MACROD2: variants seen among roughly 807,000 people sequenced by gnomAD.
The protein encoded by MACROD2 is mono-ADP ribosylhydrolase 2.
In MACROD2, 36 loss-of-function variants were observed where a neutral mutation model predicts 70.4. The observed-to-expected ratio is 0.51, with a 90% confidence interval of 0.39 to 0.68. The LOEUF is 0.68. Ranked by LOEUF, MACROD2 falls within the 30% of genes least tolerant of loss-of-function variation. MACROD2 has a pLI of 0.00. For synonymous variants in MACROD2, 172 were observed against 178.8 expected (o/e 0.96, Z 0.30); for missense variants, 496 against 538.4 (o/e 0.92, Z 0.78).
chr20:14,604,955 T>C (rs1280135717), intron 4 of MACROD2, among the ~76,000 whole-genome samples: 1 of 152,208 alleles, frequency 6.6e-6, no homozygotes, highest in Non-Finnish European at 1.5e-5. Flanking sequence ...GGCATTCTAC[T>C]TAATCTCTTT....
At chr20:14,236,952 G>C (rs893089092) in intron 3 of MACROD2, among the ~76,000 whole-genome samples, 7 of 151,972 alleles carry the variant, frequency 4.6e-5, no homozygotes, top group Non-Finnish European at 7.4e-5. Context: ...TGTTTTTAAT[G>C]AGTGTAACAA....
At chr20:14,510,117 A>G (rs2085012290) in intron 4 of MACROD2, among the ~76,000 whole-genome samples, 1 of 152,052 alleles carries the variant, frequency 6.6e-6, no homozygotes, top group African/African-American at 2.4e-5. Context: ...TCTCTTAGAA[A>G]GTGTTCTGCT....
intron 8 of MACROD2, among the ~76,000 whole-genome samples, chr20:15,518,050 A>C (rs1243165166): frequency 1.3e-5 from 2 of 152,256 alleles, no homozygotes; most frequent in African/African-American, 4.8e-5. Context: ...TCTGCCATAA[A>C]GCTAGACTCC....
intron 3 of MACROD2, among the ~76,000 whole-genome samples, chr20:14,398,406 A>ATTT (rs71190136): frequency 4.9e-5 from 7 of 142,556 alleles, no homozygotes; most frequent in Non-Finnish European, 7.6e-5. Flanking sequence ...CCTTGCCAGC[A>ATTT]TTTTTTTTTT....
chr20:15,730,879 A>T, intron 8 of MACROD2, among the ~76,000 whole-genome samples: 1 of 60,424 alleles, frequency 1.7e-5, no homozygotes, highest in Non-Finnish European at 4.7e-5. Context: ...AGTTTTGTTT[A>T]TTTTTCTTTA....
chr20:15,504,636 G>T (rs1346236493), intron 8 of MACROD2, among the ~76,000 whole-genome samples: 4 of 152,110 alleles, frequency 2.6e-5, no homozygotes, highest in African/African-American at 4.8e-5. Flanking sequence ...GGCAGGCAGG[G>T]TCTGAAGATT....
chr20:14,301,411 A>T (rs2082474320), intron 3 of MACROD2, among the ~76,000 whole-genome samples: 1 of 152,210 alleles, frequency 6.6e-6, no homozygotes, highest in Non-Finnish European at 1.5e-5. Flanking sequence ...GTAGAAAGAC[A>T]TTTATAGTTT....
At chr20:15,919,359 T>C (rs1322006529) in intron 10 of MACROD2, among the ~76,000 whole-genome samples, 1 of 152,218 alleles carries the variant, frequency 6.6e-6, no homozygotes, top group Non-Finnish European at 1.5e-5. Flanking sequence ...GATACTTACA[T>C]TGATTTGTCT....
chr20:15,484,512 T>A (rs1315862138), intron 7 of MACROD2, among the ~76,000 whole-genome samples: 3 of 152,154 alleles, frequency 2.0e-5, no homozygotes, highest in Admixed American at 2.0e-4. Context: ...GGGCTAGAGT[T>A]GAGTATTTCC....
At chr20:14,530,984 A>T (rs779667757) in intron 4 of MACROD2, among the ~76,000 whole-genome samples, 2 of 152,164 alleles carry the variant, frequency 1.3e-5, no homozygotes, top group Non-Finnish European at 2.9e-5. Flanking sequence ...CATTTTCTCC[A>T]CTTATTCTTT....
intron 8 of MACROD2, among the ~76,000 whole-genome samples, chr20:15,824,239 G>GTCTC (rs139724335): frequency 4.7e-5 from 7 of 149,626 alleles, no homozygotes; most frequent in South Asian, 2.1e-4. Flanking sequence ...TATCTTAAGT[G>GTCTC]TCTCTCTCTC....
chr20:15,940,764 G>A (rs974449560), intron 12 of MACROD2, among the ~76,000 whole-genome samples: 5 of 152,128 alleles, frequency 3.3e-5, no homozygotes, highest in African/African-American at 1.2e-4. Flanking sequence ...TACCCACATA[G>A]GCTCTGATAG....
chr20:14,753,105 C>T (rs934512704), intron 5 of MACROD2, among the ~76,000 whole-genome samples: 1 of 152,016 alleles, frequency 6.6e-6, no homozygotes, highest in Admixed American at 6.6e-5. Context: ...CTAGTTAACT[C>T]CTATTTATTT....
chr20:14,185,973 G>T (rs1016815084), intron 3 of MACROD2, among the ~76,000 whole-genome samples: 2 of 152,066 alleles, frequency 1.3e-5, no homozygotes, highest in Non-Finnish European at 2.9e-5. Flanking sequence ...TGCTTTCAGA[G>T]TGTATCCCAA....
chr20:15,204,444 ATT>A (rs2076684014), intron 5 of MACROD2, among the ~76,000 whole-genome samples: 1 of 152,068 alleles, frequency 6.6e-6, no homozygotes, highest in African/African-American at 2.4e-5. Context: ...ACTTCTTTTT[ATT>A]ATTAGCTCTC....
intron 8 of MACROD2, among the ~76,000 whole-genome samples, chr20:15,563,167 G>A (rs903354444): frequency 2.0e-5 from 3 of 152,060 alleles, no homozygotes; most frequent in Non-Finnish European, 4.4e-5. Flanking sequence ...TGGACTGGGT[G>A]GTAACAAAGA....
At chr20:14,737,715 CT>C (rs2071684378) in intron 5 of MACROD2, among the ~76,000 whole-genome samples, 2 of 152,116 alleles carry the variant, frequency 1.3e-5, no homozygotes, top group Admixed American at 6.5e-5. Context: ...TGATGATGAG[CT>C]TTTTTTCATA....
intron 3 of MACROD2, among the ~76,000 whole-genome samples, chr20:14,342,044 G>T (rs539823979): frequency 3.7e-4 from 56 of 152,230 alleles, no homozygotes; most frequent in African/African-American, 1.3e-3. Context: ...CGGAGCCCTG[G>T]GGGGGTCACT....
At chr20:14,050,021 G>C (rs2053543081) in intron 2 of MACROD2, among the ~76,000 whole-genome samples, 1 of 151,528 alleles carries the variant, frequency 6.6e-6, no homozygotes, top group African/African-American at 2.4e-5. Context: ...GAGGCACGGA[G>C]GTTGCAGTGA....
Sources: gnomAD v4.1 joint callset for allele counts (sites outside exome capture counted in the v4.1 genomes callset) on GRCh38, gnomAD v4.1.1 for gene constraint, MANE v1.5 for transcripts, NCBI Gene and HGNC (gene_info 2026-07-23, HGNC 2026-07-21) for gene names.